KLRG1: variants seen among roughly 807,000 people sequenced by gnomAD.
KLRG1 encodes killer cell lectin like receptor G1.
KLRG1 carries 16 observed loss-of-function variants against 21.8 expected under a neutral mutation model. The ratio of observed to expected loss-of-function variants is 0.73; its 90% CI spans 0.50 to 1.11. The LOEUF (loss-of-function observed/expected upper bound fraction) is 1.11. Among genes scored for constraint, KLRG1 ranks in the 50% most tolerant of loss-of-function variants. KLRG1 has a pLI of 0.00. For missense variants in KLRG1, 173 were observed against 218.3 expected, an observed-to-expected ratio of 0.79 and a Z score of 1.31; for synonymous variants, 69 against 75.9, an observed-to-expected ratio of 0.91 and a Z score of 0.47.
chr12:9,133,607 GAT>G, the KLRG1 span, among the ~76,000 whole-genome samples: 97 of 152,278 alleles, frequency 6.4e-4, no homozygotes, highest in African/African-American at 2.1e-3. Context: ...CCTCTCTTAT[GAT>G]ATGGCATTTA....
the KLRG1 span, chr12:9,165,095 C>G: frequency 6.3e-7 from 1 of 1,582,930 alleles, no homozygotes; most frequent in South Asian, 1.1e-5. Context: ...TCAAAGGAAT[C>G]TTTTGTTCTA....
the KLRG1 span, among the ~76,000 whole-genome samples, chr12:9,123,179 A>G: frequency 1.3e-5 from 2 of 152,190 alleles, no homozygotes; most frequent in African/African-American, 4.8e-5. Context: ...AGTTCCCCTT[A>G]TCCGAGGGGC....
At chr12:9,203,115 A>G in the KLRG1 span, among the ~76,000 whole-genome samples, 1 of 152,304 alleles carries the variant, frequency 6.6e-6, no homozygotes, top group African/African-American at 2.4e-5. Context: ...AAATTTTCAT[A>G]TGATCTATTT....
chr12:9,094,424 C>G, the KLRG1 span, among the ~76,000 whole-genome samples: 1 of 142,782 alleles, frequency 7.0e-6, no homozygotes, highest in South Asian at 2.2e-4. Context: ...AAGGATTATA[C>G]AATATAATTT....
chr12:8,967,718 G>C (rs1946500371), intron 1 of KLRG1, among the ~76,000 whole-genome samples: 1 of 152,010 alleles, frequency 6.6e-6, no homozygotes, highest in Non-Finnish European at 1.5e-5. Context: ...AACAGAGCTG[G>C]ACCTTGTCTC....
At chr12:9,095,726 G>C in the KLRG1 span, 1 of 942,920 alleles carries the variant, frequency 1.1e-6, no homozygotes, top group Admixed American at 2.5e-5. Context: ...AGACAAAAAG[G>C]CAAACTTATT....
the KLRG1 span, among the ~76,000 whole-genome samples, chr12:9,022,043 T>G: frequency 4.8e-5 from 7 of 146,580 alleles, no homozygotes; most frequent in Admixed American, 4.9e-4. Flanking sequence ...AAGGATCCCT[T>G]GGGCCCAGGA....
rs1805673 is a variant in KLRG1, at chr12:9,010,463, G to A, written c.*926G>A. 0.24 allele frequency: 38,363 copies of A among 158,788 alleles called. 5,272 individuals are homozygous for A. Among genetic ancestry groups the A allele is most frequent in the East Asian group, 0.37 (1,968 of 5,328 alleles). The allele number at this position is 158,788 out of a possible 1,614,324, so 9.8% of individuals were successfully genotyped here. Reference sequence around the variant, plus strand: ...AGGAAAGTTTACAGAAACAGTTTATGTGGTTGGATCACCAAATTATCTTAG... The same window carrying A: ...AGGAAAGTTTACAGAAACAGTTTATATGGTTGGATCACCAAATTATCTTAG... On this transcript the variant is annotated 3_prime_UTR_variant, in exon 5 of 5. Coordinates refer to ENST00000356986, the MANE Select transcript of KLRG1 (RefSeq NM_005810.4).
chr12:9,062,201 A>G, the KLRG1 span, among the ~76,000 whole-genome samples: 1 of 137,476 alleles, frequency 7.3e-6, no homozygotes, highest in Non-Finnish European at 1.5e-5. Context: ...ATATATTTAT[A>G]TATTGTATAA....
the KLRG1 span, chr12:9,167,233 GCCCTC>G: frequency 6.6e-6 from 1 of 152,156 alleles, no homozygotes; most frequent in Non-Finnish European, 1.5e-5. Context: ...TATGTCAAGG[GCCCTC>G]CAACTCCTCC....
chr12:9,021,719 A>C, the KLRG1 span, among the ~76,000 whole-genome samples: 1 of 152,300 alleles, frequency 6.6e-6, no homozygotes, highest in African/African-American at 2.4e-5. Context: ...TTAAAAAACA[A>C]GACATAAGCA....
the KLRG1 span, chr12:9,156,145 AT>A: frequency 4.6e-6 from 1 of 216,556 alleles, no homozygotes; most frequent in Non-Finnish European, 9.6e-6. Context: ...TTTGTCTTTG[AT>A]TTTATGTCAG....
the KLRG1 span, among the ~76,000 whole-genome samples, chr12:9,159,039 T>G: frequency 1.3e-5 from 2 of 152,216 alleles, no homozygotes; most frequent in African/African-American, 4.8e-5. Flanking sequence ...TTTTTTCCCC[T>G]GTGTTTGCCT....
the KLRG1 span, chr12:9,152,441 C>T: frequency 1.5e-6 from 1 of 687,368 alleles, no homozygotes; most frequent in Non-Finnish European, 2.5e-6. Context: ...GGTCTGTGTT[C>T]CCTGGACTTG....
At chr12:8,971,850 C>T (rs1464759297) in intron 1 of KLRG1, among the ~76,000 whole-genome samples, 2 of 152,046 alleles carry the variant, frequency 1.3e-5, no homozygotes, top group African/African-American at 4.8e-5. Context: ...ATAGTGAGAC[C>T]TCTGTTTAAA....
chr12:9,169,468 A>G, the KLRG1 span: 1 of 1,611,256 alleles, frequency 6.2e-7, no homozygotes, highest in East Asian at 2.2e-5. Flanking sequence ...TTACTTGATA[A>G]GGGAACATAG....
chr12:8,995,134 C>T lies in KLRG1; in HGVS notation c.203C>T (p.Thr68Ile). Residue 68 changes from threonine (T) to isoleucine (I), a missense_variant, in exon 3 of 5, where the codon ACT becomes ATT. Thr to Ile is a moderately conservative substitution (Grantham distance 89). Transcript: ENST00000356986. ...WILCQGSNYSTCASCPSCPDR... is the reference protein window; with the variant it reads ...WILCQGSNYSICASCPSCPDR... ...TCTCTCCTAGGCTCCAACTACTCCA[C>T]TTGTGCCAGCTGTCCTAGCTGCCCA... 6.2e-7 allele frequency: 1 copy of T among 1,606,488 alleles called. No homozygotes were observed. Among genetic ancestry groups the T allele is most frequent in the South Asian group, 1.1e-5 (1 of 89,482 alleles).
the KLRG1 span, among the ~76,000 whole-genome samples, chr12:9,038,113 TG>T: frequency 1.3e-5 from 2 of 152,104 alleles, no homozygotes; most frequent in African/African-American, 4.8e-5. Flanking sequence ...AATAAAAAAT[TG>T]GCTGGGTGTG....
chr12:9,124,573 T>C, the KLRG1 span, among the ~76,000 whole-genome samples: 2 of 152,186 alleles, frequency 1.3e-5, no homozygotes, highest in Non-Finnish European at 2.9e-5. Context: ...CCATTCCCAG[T>C]TGGCTGCGCG....
Sources: gnomAD v4.1 joint callset for allele counts (sites outside exome capture counted in the v4.1 genomes callset) on GRCh38, gnomAD v4.1.1 for gene constraint, MANE v1.5 for transcripts, NCBI Gene and HGNC (gene_info 2026-07-23, HGNC 2026-07-21) for gene names.